OSBPL9: variants seen among roughly 807,000 people sequenced by gnomAD.
OSBPL9 encodes the protein oxysterol-binding protein-related protein 9.
In OSBPL9, 40 loss-of-function variants were observed where a neutral mutation model predicts 106.6. That is an observed-to-expected ratio of 0.38 (90% CI 0.29 to 0.49). The LOEUF is 0.49. OSBPL9 is among the 20% of genes least tolerant of loss of function. The pLI is 0.97. For synonymous variants in OSBPL9, 269 were observed against 295.4 expected, an observed-to-expected ratio of 0.91 and a Z score of 0.92; for missense variants, 609 against 887.2, an observed-to-expected ratio of 0.69 and a Z score of 3.98.
At chr1:51,592,081 G>A (rs1645278562) in intron 1 of OSBPL9, among the ~76,000 whole-genome samples, 1 of 144,816 alleles carries the variant, frequency 6.9e-6, no homozygotes, top group African/African-American at 2.5e-5. Context: ...GTAGGCACCT[G>A]ACCTCAACGA....
chr1:51,761,274 A>G (rs1173012288), intron 10 of OSBPL9, among the ~76,000 whole-genome samples: 1 of 149,724 alleles, frequency 6.7e-6, no homozygotes, highest in Non-Finnish European at 1.5e-5. Context: ...TTTTTTGTAT[A>G]AAGCAATACA....
the OSBPL9 span, among the ~76,000 whole-genome samples, chr1:51,570,512 A>G: frequency 2.6e-5 from 4 of 152,180 alleles, no homozygotes. Flanking sequence ...TACTTTATAG[A>G]TGAGCAGACC....
At chr1:51,647,530 C>T (rs746584228) in intron 1 of OSBPL9, among the ~76,000 whole-genome samples, 10 of 152,074 alleles carry the variant, frequency 6.6e-5, no homozygotes, top group Admixed American at 3.9e-4. Context: ...TCTGGGCCTG[C>T]GCTTTTCTTT....
At chr1:51,526,993 C>T in the OSBPL9 span, among the ~76,000 whole-genome samples, 3 of 152,092 alleles carry the variant, frequency 2.0e-5, no homozygotes, top group Non-Finnish European at 4.4e-5. Flanking sequence ...ATCTGCCCAC[C>T]TAGGCCTCCT....
At chr1:51,601,357 G>T (rs1322555633) in intron 2 of OSBPL9, among the ~76,000 whole-genome samples, 1 of 152,126 alleles carries the variant, frequency 6.6e-6, no homozygotes, top group East Asian at 1.9e-4. Flanking sequence ...TGAGAACTTT[G>T]GTCTAAAGAC....
intron 11 of OSBPL9, among the ~76,000 whole-genome samples, chr1:51,764,393 T>A (rs74080624): frequency 0.023 from 3,523 of 152,320 alleles, 81 homozygotes; most frequent in Middle Eastern, 0.088. Flanking sequence ...AGTTATTTAC[T>A]AATAAGGTGA....
the OSBPL9 span, among the ~76,000 whole-genome samples, chr1:51,568,567 G>C: frequency 6.6e-6 from 1 of 151,976 alleles, no homozygotes; most frequent in Non-Finnish European, 1.5e-5. Context: ...TTTTTTTTGA[G>C]ACGGAGTCTC....
chr1:51,646,491 A>G (rs763315243), intron 1 of OSBPL9, among the ~76,000 whole-genome samples: 3 of 152,128 alleles, frequency 2.0e-5, no homozygotes, highest in Non-Finnish European at 4.4e-5. Context: ...GAGCTCATTT[A>G]TTAGCTCTAA....
chr1:51,607,067 G>GA (rs1643954019), intron 2 of OSBPL9, among the ~76,000 whole-genome samples: 2 of 149,522 alleles, frequency 1.3e-5, no homozygotes, highest in South Asian at 4.3e-4. Context: ...AAGAAAAAAA[G>GA]AAAAAATTTG....
chr1:51,753,256 A>C (rs1444173512), intron 8 of OSBPL9, among the ~76,000 whole-genome samples: 1 of 152,162 alleles, frequency 6.6e-6, no homozygotes, highest in Non-Finnish European at 1.5e-5. Context: ...CTGAGTTTGA[A>C]TCCAAGCCCC....
chr1:51,778,445 A>G (rs1260962026), intron 15 of OSBPL9, among the ~76,000 whole-genome samples: 1 of 152,246 alleles, frequency 6.6e-6, no homozygotes, highest in African/African-American at 2.4e-5. Context: ...AAAATGAGAT[A>G]CTATGCAAAA....
At chr1:51,594,471 A>C (rs1171949755) in intron 1 of OSBPL9, among the ~76,000 whole-genome samples, 1 of 152,098 alleles carries the variant, frequency 6.6e-6, no homozygotes, top group Non-Finnish European at 1.5e-5. Flanking sequence ...TCACAATCAC[A>C]ATCAATGACC....
intron 2 of OSBPL9, among the ~76,000 whole-genome samples, chr1:51,598,851 G>T (rs147895545): frequency 6.6e-6 from 1 of 152,034 alleles, no homozygotes; most frequent in Non-Finnish European, 1.5e-5. Context: ...AAAATTAGCC[G>T]GGCATGGTGG....
intron 1 of OSBPL9, among the ~76,000 whole-genome samples, chr1:51,590,659 C>A (rs1486979817): frequency 2.0e-5 from 3 of 150,244 alleles, no homozygotes; most frequent in African/African-American, 7.3e-5. Flanking sequence ...AAAAAAGTCA[C>A]GTTTAGGATT....
At chr1:51,537,851 A>G in the OSBPL9 span, among the ~76,000 whole-genome samples, 4 of 152,240 alleles carry the variant, frequency 2.6e-5, no homozygotes, top group African/African-American at 9.6e-5. Flanking sequence ...CTGGTCAACC[A>G]TTTTAAATTA....
chr1:51,720,942 C>T (rs1230990922), intron 4 of OSBPL9, among the ~76,000 whole-genome samples: 2 of 151,718 alleles, frequency 1.3e-5, no homozygotes, highest in African/African-American at 4.8e-5. Flanking sequence ...GGACTACAGG[C>T]ACGCACCACC....
At chr1:51,593,600 G>A (rs971871148) in intron 1 of OSBPL9, among the ~76,000 whole-genome samples, 2 of 152,186 alleles carry the variant, frequency 1.3e-5, no homozygotes, top group Admixed American at 1.3e-4. Flanking sequence ...CTTATCCTTC[G>A]AAACATTGCT....
At chr1:51,533,244 G>T in the OSBPL9 span, among the ~76,000 whole-genome samples, 1 of 152,226 alleles carries the variant, frequency 6.6e-6, no homozygotes, top group African/African-American at 2.4e-5. Context: ...TACTTTGGAA[G>T]GCTGAGGTGG....
At chr1:51,554,733 C>T in the OSBPL9 span, among the ~76,000 whole-genome samples, 1 of 152,206 alleles carries the variant, frequency 6.6e-6, no homozygotes, top group Non-Finnish European at 1.5e-5. Flanking sequence ...CAGACATTCC[C>T]CAGGTCTTAT....
Sources: gnomAD v4.1 joint callset for allele counts (sites outside exome capture counted in the v4.1 genomes callset) on GRCh38, gnomAD v4.1.1 for gene constraint, MANE v1.5 for transcripts, NCBI Gene and HGNC (gene_info 2026-07-23, HGNC 2026-07-21) for gene names.